The following TTC1 variants were observed in gnomAD, a reference collection of about 807,000 sequenced individuals.
TTC1 encodes the protein tetratricopeptide repeat protein 1.
Under a neutral mutation model 37.6 loss-of-function variants are expected in TTC1, and 31 were observed. The observed-to-expected ratio is 0.82, with a 90% confidence interval of 0.62 to 1.11. TTC1 has a LOEUF of 1.11. Ranked by LOEUF, TTC1 falls within the 50% of genes most tolerant of loss-of-function variation. TTC1 has a pLI of 0.00. For synonymous variants in TTC1, 127 were observed against 122.4 expected (o/e 1.04, Z -0.25); for missense variants, 351 against 339.0 (o/e 1.04, Z -0.28).
At chr5:160,036,444 G>T in intron 3 of TTC1, 1 of 367,270 alleles carries the variant, frequency 2.7e-6, no homozygotes, top group South Asian at 3.5e-5. Context: ...GCTTGTCACT[G>T]ACAGCATGTT....
rs546207112 is a variant in TTC1, at chr5:160,016,965, G to A, written c.330+6107G>A. On this transcript the variant is annotated intron_variant, in intron 2 of 7. Coordinates refer to ENST00000231238, the MANE Select transcript of TTC1 (RefSeq NM_003314.3). Reference sequence around the variant, plus strand: ...AATAATTGAGGAGGAAAGCAGTTAAGATTTGGTAAAAACAGGAAAAGCTCT... The same window carrying A: ...AATAATTGAGGAGGAAAGCAGTTAAAATTTGGTAAAAACAGGAAAAGCTCT... Among the ~76,000 whole-genome samples, 11 of 152,316 alleles carry A rather than the reference G, an allele frequency of 7.2e-5. No individual in the cohort carries two copies. In the South Asian group the frequency reaches 2.3e-3, roughly 32 times the overall value.
chr5:160,065,102 T>G lies in TTC1; in HGVS notation c.*37T>G, dbSNP rs1753565776. The G allele has an allele frequency of 1.9e-6, 3 of 1,597,150 alleles. No individual in the cohort carries two copies. In the East Asian group the frequency reaches 6.7e-5, roughly 36 times the overall value. On this transcript the variant is annotated 3_prime_UTR_variant, in exon 8 of 8. Coordinates refer to ENST00000231238, the MANE Select transcript of TTC1 (RefSeq NM_003314.3). ...AAAGCTTTACAAGCTGACTTGGAAT[T>G]GTGTGCTGCTTGCTGTTAGCTAGGG... is the stretch of plus-strand genomic sequence containing the variant.
At chr5:160,049,855 A>ATCAC (rs1561637042) in intron 6 of TTC1, among the ~76,000 whole-genome samples, 193 bp downstream of exon 6, 1 of 151,904 alleles carries the variant, frequency 6.6e-6, no homozygotes, top group African/African-American at 2.4e-5. Context: ...AGGAGGAGAG[A>ATCAC]TCACTTGAGG....
intron 2 of TTC1, among the ~76,000 whole-genome samples, chr5:160,025,881 C>A (rs1172776944): frequency 6.6e-6 from 1 of 152,196 alleles, no homozygotes; most frequent in African/African-American, 2.4e-5. Flanking sequence ...TAGATGTGCA[C>A]CACCTCACCT....
chr5:160,052,547 G>GAAAAA, intron 7 of TTC1, among the ~76,000 whole-genome samples: 1 of 6,586 alleles, frequency 1.5e-4, no homozygotes, highest in Admixed American at 1.5e-3. Context: ...CTCTATTTTA[G>GAAAAA]CAAAAAAAAA....
intron 2 of TTC1, among the ~76,000 whole-genome samples, chr5:160,034,773 C>G (rs1756973621): frequency 6.6e-6 from 1 of 152,092 alleles, no homozygotes; most frequent in Non-Finnish European, 1.5e-5. Context: ...GTACTAGAAG[C>G]TACAATTTGA....
chr5:160,055,287 C>G (rs755401049), intron 7 of TTC1, among the ~76,000 whole-genome samples: 1 of 152,194 alleles, frequency 6.6e-6, no homozygotes, highest in Non-Finnish European at 1.5e-5. Flanking sequence ...GATCTGTCAT[C>G]TCAGCTTATT....
chr5:160,055,532 A>C (rs887423116), intron 7 of TTC1, among the ~76,000 whole-genome samples: 1 of 152,272 alleles, frequency 6.6e-6, no homozygotes. Flanking sequence ...TATGGTGCCC[A>C]GAACATCAGC....
intron 3 of TTC1, among the ~76,000 whole-genome samples, 163 bp downstream of exon 3, chr5:160,035,363 CA>C (rs963063972): frequency 2.0e-5 from 3 of 152,166 alleles, no homozygotes; most frequent in African/African-American, 7.2e-5. Context: ...TTAACCAGGC[CA>C]AATTATTCAT....
chr5:160,052,272 G>C (rs1228046709), intron 7 of TTC1, among the ~76,000 whole-genome samples: 1 of 152,194 alleles, frequency 6.6e-6, no homozygotes, highest in African/African-American at 2.4e-5. Flanking sequence ...AGGAGGCCAA[G>C]GTAGGAGGAT....
chr5:160,030,998 T>C (rs2113363363), intron 2 of TTC1, among the ~76,000 whole-genome samples: 1 of 152,304 alleles, frequency 6.6e-6, no homozygotes, highest in South Asian at 2.1e-4. Context: ...ACCTATACAC[T>C]ATCTATCATA....
intron 7 of TTC1, among the ~76,000 whole-genome samples, chr5:160,052,665 A>G (rs1757437187): frequency 6.6e-6 from 1 of 150,510 alleles, no homozygotes; most frequent in African/African-American, 2.4e-5. Flanking sequence ...CTCTTAGTCC[A>G]TTTTTTTAAA....
intron 2 of TTC1, among the ~76,000 whole-genome samples, chr5:160,013,123 C>T (rs1043841447): frequency 2.0e-5 from 3 of 152,156 alleles, no homozygotes; most frequent in Admixed American, 6.5e-5. Flanking sequence ...TACTGCAGTG[C>T]TAGTCTTATT....
chr5:160,034,015 C>G (rs1756961619), intron 2 of TTC1, among the ~76,000 whole-genome samples: 1 of 152,076 alleles, frequency 6.6e-6, no homozygotes, highest in Non-Finnish European at 1.5e-5. Context: ...ACTCAGGAGG[C>G]TGAGGCAGAA....
At chr5:160,064,838 A>G in intron 7 of TTC1, 94 bp from the exon 8 acceptor site, 1 of 1,326,756 alleles carries the variant, frequency 7.5e-7, no homozygotes, top group Non-Finnish European at 1.0e-6. Context: ...AGATACTTTT[A>G]TATTTTGTAC....
chr5:160,052,548 C>CAA (rs557157232), intron 7 of TTC1, among the ~76,000 whole-genome samples: 699 of 68,100 alleles, frequency 0.01, 122 homozygotes, highest in Non-Finnish European at 0.014. Context: ...TCTATTTTAG[C>CAA]AAAAAAAAAA....
intron 7 of TTC1, among the ~76,000 whole-genome samples, chr5:160,058,466 A>G (rs965561276): frequency 1.4e-5 from 2 of 142,260 alleles, no homozygotes; most frequent in Non-Finnish European, 3.0e-5. Flanking sequence ...GCTGGAGTGC[A>G]GTGGTGCGAT....
intron 4 of TTC1, 35 bp from the exon 5 acceptor site, chr5:160,043,098 A>C (rs1757129158): frequency 6.2e-7 from 1 of 1,607,800 alleles, no homozygotes; most frequent in Non-Finnish European, 8.5e-7. Context: ...AGATAAAACT[A>C]GGGCAACACA....
Position 160,065,001 on chromosome 5 carries a change from A to G in TTC1, c.815A>G (p.Lys272Arg). 1.9e-6 allele frequency: 3 copies of G among 1,614,116 alleles called. No individual in the cohort carries two copies. The highest frequency in any genetic ancestry group is 2.5e-6 in the Non-Finnish European group (3 of 1,180,016). Residue 272 changes from lysine (K) to arginine (R), a missense_variant, in exon 8 of 8, where the codon AAA (lysine) becomes AGA (arginine). Lys to Arg is a conservative substitution (Grantham distance 26, BLOSUM62 2). Transcript: ENST00000231238. Reference protein sequence around the residue: ...FGLSTENFQIKQDSSTGSYSI... With the variant: ...FGLSTENFQIRQDSSTGSYSI... ...CTCTCCACGGAAAATTTCCAGATCA[A>G]ACAGGATTCCTCTACCGGCTCGTAC...
Sources: gnomAD v4.1 joint callset for allele counts (sites outside exome capture counted in the v4.1 genomes callset) on GRCh38, gnomAD v4.1.1 for gene constraint, MANE v1.5 for transcripts, NCBI Gene and HGNC (gene_info 2026-07-23, HGNC 2026-07-21) for gene names.